Variants in PPHLN1 observed in about 807,000 individuals in gnomAD.
PPHLN1 encodes the protein periphilin 1, also known as periphilin-1.
PPHLN1 carries 29 observed loss-of-function variants against 51.3 expected under a neutral mutation model. That is an observed-to-expected ratio of 0.57 (90% CI 0.42 to 0.77). PPHLN1 has a LOEUF of 0.77. PPHLN1 is among the 30% of genes least tolerant of loss of function. The pLI is 0.00. For synonymous variants in PPHLN1, 147 were observed against 147.8 expected, an observed-to-expected ratio of 0.99 and a Z score of 0.04; for missense variants, 436 against 438.4, an observed-to-expected ratio of 0.99 and a Z score of 0.05.
At chr12:42,368,209 T>A (rs2075455230) in intron 4 of PPHLN1, among the ~76,000 whole-genome samples, 1 of 151,946 alleles carries the variant, frequency 6.6e-6, no homozygotes, top group Non-Finnish European at 1.5e-5. Context: ...TACTTACAAA[T>A]TTTTTTTTCT....
At chr12:42,392,964 T>G (rs1451970433) in intron 7 of PPHLN1, among the ~76,000 whole-genome samples, 1 of 152,184 alleles carries the variant, frequency 6.6e-6, no homozygotes, top group Non-Finnish European at 1.5e-5. Context: ...TATAAAGTCA[T>G]CTACCTAGCA....
intron 4 of PPHLN1, among the ~76,000 whole-genome samples, chr12:42,361,969 G>C (rs2074742359): frequency 6.6e-6 from 1 of 152,138 alleles, no homozygotes. Flanking sequence ...TTTCCCTAGT[G>C]GCAGCACCAT....
intron 4 of PPHLN1, among the ~76,000 whole-genome samples, chr12:42,373,164 C>G (rs2075956625): frequency 6.6e-6 from 1 of 152,178 alleles, no homozygotes; most frequent in Admixed American, 6.5e-5. Flanking sequence ...ATGGCAGGGA[C>G]TGTGTACATT....
At chr12:42,403,752 C>CA (rs1175390029) in intron 9 of PPHLN1, among the ~76,000 whole-genome samples, 2 of 152,118 alleles carry the variant, frequency 1.3e-5, no homozygotes, top group African/African-American at 4.8e-5. Context: ...ACCACTGAAA[C>CA]AAAAAATACC....
chr12:42,416,586 G>A (rs1193791148), intron 9 of PPHLN1, among the ~76,000 whole-genome samples: 11 of 152,126 alleles, frequency 7.2e-5, no homozygotes, highest in African/African-American at 2.4e-4. Context: ...AACAACTCAC[G>A]GAATTCAGGA....
chr12:42,332,757 G>T, intron 1 of PPHLN1: 1 of 1,062,460 alleles, frequency 9.4e-7, no homozygotes, highest in Non-Finnish European at 1.4e-6. Context: ...TTTTTTGTGG[G>T]ACACCGGTAA....
At chr12:42,328,009 G>A (rs1209330729) in intron 1 of PPHLN1, among the ~76,000 whole-genome samples, 1 of 151,894 alleles carries the variant, frequency 6.6e-6, no homozygotes, top group Non-Finnish European at 1.5e-5. Context: ...AATGTTGTCA[G>A]TGGAATAGAA....
chr12:42,362,374 A>G (rs935426696), intron 4 of PPHLN1, among the ~76,000 whole-genome samples: 5 of 151,984 alleles, frequency 3.3e-5, no homozygotes, highest in African/African-American at 1.2e-4. Context: ...TTAAATTTTG[A>G]TGAAGTCCAA....
At chr12:42,335,384 T>C (rs2070443179) in intron 1 of PPHLN1, among the ~76,000 whole-genome samples, 1 of 152,162 alleles carries the variant, frequency 6.6e-6, no homozygotes, top group East Asian at 1.9e-4. Flanking sequence ...CTTTTAACAC[T>C]TTTTTCAGTT....
chr12:42,364,004 G>A (rs2406875), intron 4 of PPHLN1, among the ~76,000 whole-genome samples: 92,502 of 151,790 alleles, frequency 0.61, 28,350 homozygotes, highest in Admixed American at 0.67. Context: ...TGGGCAGATC[G>A]CTTGAGGCCA....
intron 4 of PPHLN1, among the ~76,000 whole-genome samples, chr12:42,356,214 A>T (rs1248751661): frequency 6.6e-6 from 1 of 152,238 alleles, no homozygotes; most frequent in Non-Finnish European, 1.5e-5. Context: ...AACTCCAAAG[A>T]TGCCAAAAGT....
intron 4 of PPHLN1, among the ~76,000 whole-genome samples, chr12:42,371,341 C>G (rs1309182005): frequency 6.6e-6 from 1 of 151,974 alleles, no homozygotes; most frequent in Admixed American, 6.6e-5. Flanking sequence ...TGGTCTTACA[C>G]TCCTGGGCTC....
intron 7 of PPHLN1, among the ~76,000 whole-genome samples, chr12:42,391,679 T>C (rs1381514592): frequency 6.6e-6 from 1 of 152,164 alleles, no homozygotes; most frequent in Admixed American, 6.5e-5. Context: ...TGTGTTTTCT[T>C]CTTCTAACTA....
In PPHLN1 at chr12:42,435,657, CT is replaced by C. The variant is rs529643075; in HGVS notation, c.910-5650del. 1.7e-3 allele frequency among the ~76,000 whole-genome samples: 256 copies of C among 151,876 alleles called. 2 individuals carry two copies. Among genetic ancestry groups the C allele is most frequent in the African/African-American group, 5.6e-3 (231 of 41,446 alleles). ...GTATATTACGCCCCAATTGGAGTTT[CT>C]TTTTTTTAACTTATTTTTATATACC... is the stretch of plus-strand genomic sequence containing the variant. On this transcript the variant is annotated intron_variant, in intron 9 of 9. Coordinates refer to ENST00000358314, the MANE Select transcript of PPHLN1 (RefSeq NM_201439.2).
intron 9 of PPHLN1, among the ~76,000 whole-genome samples, chr12:42,424,252 C>T (rs1257288452): frequency 6.6e-6 from 1 of 152,156 alleles, no homozygotes; most frequent in African/African-American, 2.4e-5. Flanking sequence ...TTATAAAACC[C>T]ACTCAAACTA....
At chr12:42,384,340 T>C (rs1018460328) in intron 5 of PPHLN1, among the ~76,000 whole-genome samples, 2 of 152,168 alleles carry the variant, frequency 1.3e-5, no homozygotes, top group African/African-American at 4.8e-5. Flanking sequence ...GAAAAATACC[T>C]GGGAGCCCTG....
At chr12:42,376,145 A>G (rs1026463128) in intron 5 of PPHLN1, among the ~76,000 whole-genome samples, 1 of 152,230 alleles carries the variant, frequency 6.6e-6, no homozygotes, top group Non-Finnish European at 1.5e-5. Flanking sequence ...AGATTTCTAC[A>G]AGTAAAGAAT....
chr12:42,445,442 C>A, downstream of PPHLN1: 1 of 294,596 alleles, frequency 3.4e-6, no homozygotes, highest in Non-Finnish European at 6.4e-6. Flanking sequence ...TTACACATGT[C>A]CCTGAATTTG....
intron 9 of PPHLN1, among the ~76,000 whole-genome samples, chr12:42,409,939 G>T (rs1411156914): frequency 1.3e-5 from 2 of 151,820 alleles, no homozygotes; most frequent in Non-Finnish European, 2.9e-5. Context: ...GCTTTATATT[G>T]TTCTTCAGAA....
Sources: gnomAD v4.1 joint callset for allele counts (sites outside exome capture counted in the v4.1 genomes callset) on GRCh38, gnomAD v4.1.1 for gene constraint, MANE v1.5 for transcripts, NCBI Gene and HGNC (gene_info 2026-07-23, HGNC 2026-07-21) for gene names.